The following BABAM2 variants were observed in gnomAD, a reference collection of about 807,000 sequenced individuals.
BABAM2 encodes BRISC and BRCA1 A complex member 2.
Under a neutral mutation model 54.7 loss-of-function variants are expected in BABAM2, and 31 were observed. The ratio of observed to expected loss-of-function variants is 0.57; its 90% CI spans 0.43 to 0.77. The LOEUF (loss-of-function observed/expected upper bound fraction) is 0.77. Ranked by LOEUF, BABAM2 falls within the 30% of genes least tolerant of loss-of-function variation. The pLI is 0.00. For synonymous variants in BABAM2, 167 were observed against 162.9 expected, an observed-to-expected ratio of 1.03 and a Z score of -0.19; for missense variants, 364 against 455.8, an observed-to-expected ratio of 0.80 and a Z score of 1.83.
intron 3 of BABAM2, among the ~76,000 whole-genome samples, chr2:27,940,960 C>A (rs1014633582): frequency 2.0e-5 from 3 of 152,132 alleles, no homozygotes; most frequent in African/African-American, 7.2e-5. Flanking sequence ...TTTCTCCCCA[C>A]ATTGGGTAGA....
At chr2:27,968,187 T>C (rs1670960627) in intron 3 of BABAM2, among the ~76,000 whole-genome samples, 1 of 152,210 alleles carries the variant, frequency 6.6e-6, no homozygotes, top group African/African-American at 2.4e-5. Context: ...AAATGTGGTC[T>C]CATGGGCTGG....
At chr2:28,158,177 CAGA>C (rs1672731315) in intron 7 of BABAM2, among the ~76,000 whole-genome samples, 1 of 152,070 alleles carries the variant, frequency 6.6e-6, no homozygotes, top group Admixed American at 6.6e-5. Flanking sequence ...GTTCAGTTTA[CAGA>C]AGAAGAAATG....
Position 28,285,482 on chromosome 2 carries a change from G to A in BABAM2, c.935-12856G>A, listed in dbSNP as rs141815109. 2.7e-3 allele frequency among the ~76,000 whole-genome samples: 417 copies of A among 152,300 alleles called. 4 individuals are homozygous for A. Among genetic ancestry groups the A allele is most frequent in the Middle Eastern group, 0.01 (3 of 294 alleles). On this transcript the variant is annotated intron_variant, in intron 10 of 11. Coordinates refer to ENST00000379624, the MANE Select transcript of BABAM2 (RefSeq NM_199191.3). Reference sequence around the variant, plus strand: ...TCCAGCATGGAAACTGCTTGGAAAGGATAATGTAGAAATAAAAATAGGTTA... The same window carrying A: ...TCCAGCATGGAAACTGCTTGGAAAGAATAATGTAGAAATAAAAATAGGTTA...
chr2:28,018,540 C>T (rs750550125), intron 4 of BABAM2, among the ~76,000 whole-genome samples: 1 of 152,180 alleles, frequency 6.6e-6, no homozygotes, highest in Non-Finnish European at 1.5e-5. Context: ...ATTGCTGGAT[C>T]AAAAGGTAGA....
intron 3 of BABAM2, among the ~76,000 whole-genome samples, chr2:27,936,437 C>T (rs1668490375): frequency 6.6e-6 from 1 of 152,122 alleles, no homozygotes; most frequent in Non-Finnish European, 1.5e-5. Context: ...ACCCAGCCAT[C>T]CCATTACTGG....
At chr2:28,331,490 T>C (rs943880132) in intron 11 of BABAM2, among the ~76,000 whole-genome samples, 9 of 152,038 alleles carry the variant, frequency 5.9e-5, no homozygotes, top group African/African-American at 2.2e-4. Flanking sequence ...AACAACTCCA[T>C]TAAAAAGTGG....
chr2:28,290,889 T>A (rs565184609), intron 10 of BABAM2, among the ~76,000 whole-genome samples: 4 of 152,344 alleles, frequency 2.6e-5, no homozygotes, highest in Admixed American at 2.6e-4. Flanking sequence ...AGAAAGATTT[T>A]CATCAAAATA....
chr2:28,113,663 G>A (rs1160341937), intron 6 of BABAM2, among the ~76,000 whole-genome samples: 1 of 152,100 alleles, frequency 6.6e-6, no homozygotes, highest in Non-Finnish European at 1.5e-5. Context: ...GAAATTTAAG[G>A]TAGTTTTTTC....
intron 7 of BABAM2, among the ~76,000 whole-genome samples, chr2:28,205,237 C>T (rs1431473931): frequency 6.6e-6 from 1 of 152,130 alleles, no homozygotes; most frequent in Non-Finnish European, 1.5e-5. Context: ...CAGGGTGGCT[C>T]ACGCCTGTAA....
chr2:28,069,338 A>G (rs558942158), intron 6 of BABAM2, among the ~76,000 whole-genome samples: 2 of 152,302 alleles, frequency 1.3e-5, no homozygotes, highest in South Asian at 2.1e-4. Context: ...TTTGTTGAGT[A>G]CCTACTACAT....
At chr2:28,222,301 G>C (rs1034128038) in intron 7 of BABAM2, among the ~76,000 whole-genome samples, 2 of 152,136 alleles carry the variant, frequency 1.3e-5, no homozygotes, top group African/African-American at 2.4e-5. Flanking sequence ...AGCCCAACCA[G>C]AGAATTCAAG....
chr2:27,985,391 T>C (rs1465049829), intron 3 of BABAM2, among the ~76,000 whole-genome samples: 1 of 152,144 alleles, frequency 6.6e-6, no homozygotes, highest in Non-Finnish European at 1.5e-5. Flanking sequence ...ACATCTATTA[T>C]TAATATTTTT....
intron 11 of BABAM2, among the ~76,000 whole-genome samples, chr2:28,319,966 G>A (rs1278515293): frequency 1.3e-5 from 2 of 152,096 alleles, no homozygotes; most frequent in Non-Finnish European, 2.9e-5. Context: ...CATTCCACCG[G>A]GACACCCACC....
intron 10 of BABAM2, among the ~76,000 whole-genome samples, chr2:28,291,917 C>T (rs944701940): frequency 6.6e-6 from 1 of 152,230 alleles, no homozygotes; most frequent in Non-Finnish European, 1.5e-5. Context: ...AGTCTTCCCA[C>T]ATTGTGGGGA....
At chr2:28,109,146 C>A (rs1275620603) in intron 6 of BABAM2, among the ~76,000 whole-genome samples, 1 of 150,212 alleles carries the variant, frequency 6.7e-6, no homozygotes, top group Non-Finnish European at 1.5e-5. Context: ...ACACAGGGAC[C>A]ATTTGGTTTC....
chr2:27,972,902 G>C (rs926103528), intron 3 of BABAM2, among the ~76,000 whole-genome samples: 1 of 151,608 alleles, frequency 6.6e-6, no homozygotes, highest in Non-Finnish European at 1.5e-5. Context: ...GAGTAGCTGG[G>C]ACTACAGGCG....
At chr2:28,143,319 G>A (rs775069044) in intron 7 of BABAM2, among the ~76,000 whole-genome samples, 3 of 150,632 alleles carry the variant, frequency 2.0e-5, no homozygotes, top group Non-Finnish European at 4.4e-5. Flanking sequence ...GAAACAGAGA[G>A]TACAACAGTG....
intron 4 of BABAM2, among the ~76,000 whole-genome samples, chr2:28,022,704 A>T (rs144702075): frequency 6.6e-6 from 1 of 152,326 alleles, no homozygotes; most frequent in East Asian, 1.9e-4. Flanking sequence ...AAGATGTAGA[A>T]GAAGAACTTT....
At chr2:28,236,040 G>A (rs999445957) in intron 7 of BABAM2, among the ~76,000 whole-genome samples, 5 of 152,102 alleles carry the variant, frequency 3.3e-5, no homozygotes, top group Non-Finnish European at 5.9e-5. Flanking sequence ...TAACTGCAGG[G>A]TCTTGGATAA....
Sources: gnomAD v4.1 joint callset for allele counts (sites outside exome capture counted in the v4.1 genomes callset) on GRCh38, gnomAD v4.1.1 for gene constraint, MANE v1.5 for transcripts, NCBI Gene and HGNC (gene_info 2026-07-23, HGNC 2026-07-21) for gene names.